Variants in KCNN3 observed in about 807,000 individuals in gnomAD.
KCNN3 encodes potassium calcium-activated channel subfamily N member 3, also known as small conductance calcium-activated potassium channel protein 3.
Under a neutral mutation model 62.9 loss-of-function variants are expected in KCNN3, and 16 were observed. That is an observed-to-expected ratio of 0.25 (90% confidence interval 0.17 to 0.39). KCNN3 has a LOEUF of 0.39. KCNN3 is among the 10% of genes least tolerant of loss of function. KCNN3 has a pLI of 1.00. For synonymous variants in KCNN3, 370 were observed against 389.2 expected (o/e 0.95, Z 0.58); for missense variants, 599 against 949.4 (o/e 0.63, Z 4.85).
At chr1:154,712,468 A>T (rs1368973581) in intron 7 of KCNN3, among the ~76,000 whole-genome samples, 1 of 152,142 alleles carries the variant, frequency 6.6e-6, no homozygotes, top group African/African-American at 2.4e-5. Context: ...ACAGGTTTAG[A>T]AGGCCCTTTC....
intron 2 of KCNN3, among the ~76,000 whole-genome samples, chr1:154,776,443 G>C (rs946533312): frequency 4.6e-5 from 7 of 152,122 alleles, no homozygotes; most frequent in African/African-American, 4.8e-5. Flanking sequence ...AGTAGGGGGT[G>C]GGGGAGAGTT....
Position 154,702,722 on chromosome 1 carries a change from T to G in KCNN3, c.*5254A>C, listed in dbSNP as rs1162926814. 2 of 122,076 alleles carry G rather than the reference T, an allele frequency of 1.6e-5. No individual in the cohort carries two copies. Among genetic ancestry groups the G allele is most frequent in the African/African-American group, 3.8e-5 (1 of 26,084 alleles). 7.6% of individuals were successfully genotyped at this position (122,076 alleles called of 1,614,324 possible). A position where few individuals can be genotyped will look rare whatever the true frequency, so the allele number is the denominator to read the frequency against. Reference sequence around the variant, plus strand: ...TCAGATATATATATATATATATATATATATATATATATATATATATATATA... The same window carrying G: ...TCAGATATATATATATATATATATAGATATATATATATATATATATATATA... On this transcript the variant is annotated 3_prime_UTR_variant, in exon 8 of 8. Transcript: ENST00000271915.
intron 1 of KCNN3, among the ~76,000 whole-genome samples, chr1:154,841,143 G>A (rs6426985): frequency 0.42 from 64,114 of 152,070 alleles, 14,012 homozygotes; most frequent in African/African-American, 0.47. Flanking sequence ...AAGATGGGCC[G>A]CTGACAGCCC....
chr1:154,808,587 C>A (rs541069011), intron 2 of KCNN3, among the ~76,000 whole-genome samples: 1 of 152,138 alleles, frequency 6.6e-6, no homozygotes, highest in Non-Finnish European at 1.5e-5. Context: ...GCTGTCCCCA[C>A]GGTGCCTGGC....
intron 1 of KCNN3, among the ~76,000 whole-genome samples, chr1:154,848,581 G>T (rs554629030): frequency 6.6e-6 from 1 of 152,164 alleles, no homozygotes; most frequent in Admixed American, 6.5e-5. Flanking sequence ...CGGGCAGGGG[G>T]CTCCATGTCC....
chr1:154,868,186 T>C, intron 1 of KCNN3: 1 of 985,514 alleles, frequency 1.0e-6, no homozygotes, highest in African/African-American at 1.7e-5. Context: ...GGAAGCCCTG[T>C]CATCCCGTCC....
At chr1:154,768,183 GT>G (rs1648382725) in intron 3 of KCNN3, among the ~76,000 whole-genome samples, 1 of 152,168 alleles carries the variant, frequency 6.6e-6, no homozygotes, top group Non-Finnish European at 1.5e-5. Context: ...AAGGCATCCT[GT>G]CCACACTACC....
intron 3 of KCNN3, among the ~76,000 whole-genome samples, chr1:154,766,416 T>TTTTATATATACATATATA: frequency 1.4e-5 from 1 of 71,804 alleles, no homozygotes; most frequent in East Asian, 3.3e-4. Context: ...TAGCCAGGCT[T>TTTTATATATACATATATA]TATATATATA....
At chr1:154,843,263 A>G (rs1239261964) in intron 1 of KCNN3, among the ~76,000 whole-genome samples, 1 of 152,036 alleles carries the variant, frequency 6.6e-6, no homozygotes, top group East Asian at 1.9e-4. Context: ...TCCACCCTGC[A>G]GAACAGTTCC....
At chr1:154,740,749 C>A (rs1260508013) in intron 3 of KCNN3, among the ~76,000 whole-genome samples, 1 of 152,170 alleles carries the variant, frequency 6.6e-6, no homozygotes, top group Non-Finnish European at 1.5e-5. Context: ...CTTAAGTAGC[C>A]TTTCATATGT....
chr1:154,863,502 C>T (rs531946285), intron 1 of KCNN3, among the ~76,000 whole-genome samples: 6 of 152,280 alleles, frequency 3.9e-5, no homozygotes, highest in Admixed American at 1.3e-4. Context: ...AGCCGCCCCT[C>T]ACAACCCCCG....
rs779901170 is a variant in KCNN3 at position 154,869,720 on chromosome 1, G to T, written c.245C>A (p.Pro82Gln). 1 of 449,138 alleles carries T rather than the reference G, an allele frequency of 2.2e-6. No homozygotes were observed. The highest frequency in any genetic ancestry group is 3.4e-6 in the Non-Finnish European group (1 of 295,004). The allele number at this position is 449,138 out of a possible 1,614,324, so 27.8% of individuals were successfully genotyped here. ...TTGGGCGAGCTGAGACAGGGGATGC[G>T]GTGGCTGCTGCTGCTGCTGCTGCTG... ...QQQQQQQQQP[P>Q]HPLSQLAQLQ... is the part of the protein sequence containing the mutation. Residue 82 changes from proline to glutamine, a missense_variant, in exon 1 of 8, where the codon CCG becomes CAG. Physicochemically the swap from Pro to Gln is moderately conservative, Grantham distance 76. This residue lies in a region of KCNN3 where 112 missense variants were observed against 142.9 expected (regional missense o/e 0.78). Transcript: ENST00000271915. The surrounding 1 kb of genome is among the most constrained non-coding windows in gnomAD (Gnocchi z 6.1).
At chr1:154,801,318 G>A (rs555945836) in intron 2 of KCNN3, among the ~76,000 whole-genome samples, 18 of 152,056 alleles carry the variant, frequency 1.2e-4, no homozygotes, top group Non-Finnish European at 2.2e-4. Context: ...AGATACCCCC[G>A]GAGTCACTTT....
intron 5 of KCNN3, 44 bp downstream of exon 5, chr1:154,725,872 G>T: frequency 6.9e-7 from 1 of 1,454,506 alleles, no homozygotes; most frequent in Non-Finnish European, 9.6e-7. Flanking sequence ...GGCTTCCACT[G>T]TGGCCTTAAG....
chr1:154,799,119 G>A (rs1054251891), intron 2 of KCNN3, among the ~76,000 whole-genome samples: 1 of 152,032 alleles, frequency 6.6e-6, no homozygotes. Flanking sequence ...GTTTCACCAT[G>A]TTGGCCAGGC....
chr1:154,790,533 A>G (rs1051507543), intron 2 of KCNN3, among the ~76,000 whole-genome samples: 2 of 152,238 alleles, frequency 1.3e-5, no homozygotes, highest in Non-Finnish European at 2.9e-5. Context: ...TGAACACTGT[A>G]AACGGTAGAG....
intron 3 of KCNN3, among the ~76,000 whole-genome samples, chr1:154,766,073 C>T (rs1378871103): frequency 1.3e-5 from 2 of 151,436 alleles, no homozygotes; most frequent in Non-Finnish European, 3.0e-5. Flanking sequence ...GGATCCCTGT[C>T]GCCTCCCCAC....
chr1:154,817,440 G>A (rs138520579), intron 2 of KCNN3, among the ~76,000 whole-genome samples: 3 of 152,332 alleles, frequency 2.0e-5, no homozygotes, highest in East Asian at 1.9e-4. Flanking sequence ...TGGGTTAATC[G>A]GAAGTCAATA....
intron 3 of KCNN3, among the ~76,000 whole-genome samples, chr1:154,755,537 G>GAAAGAAAGAAATAAGAA: frequency 9.3e-6 from 1 of 107,132 alleles, no homozygotes; most frequent in Admixed American, 1.2e-4. Flanking sequence ...GAAGAAGAAA[G>GAAAGAAAGAAATAAGAA]GAAAGGAAGG....
Sources: gnomAD v4.1 joint callset for allele counts (sites outside exome capture counted in the v4.1 genomes callset) on GRCh38, gnomAD v4.1.1 for gene constraint, gnomAD v4.1.1 regional missense constraint, Gnocchi (gnomAD v3.1) non-coding constraint, MANE v1.5 for transcripts, NCBI Gene and HGNC (gene_info 2026-07-23, HGNC 2026-07-21) for gene names.